EGR2: variants seen among roughly 807,000 people sequenced by gnomAD.
EGR2 encodes E3 SUMO-protein ligase EGR2.
In EGR2, 2 loss-of-function variants were observed where a neutral mutation model predicts 21.2. The ratio of observed to expected loss-of-function variants is 0.09; its 90% confidence interval spans 0.04 to 0.30. The LOEUF is 0.30. EGR2 is among the 10% of genes least tolerant of loss of function. The pLI is 1.00. For synonymous variants in EGR2, 282 were observed against 258.2 expected (o/e 1.09, Z -0.88); for missense variants, 458 against 630.2 (o/e 0.73, Z 2.93).
In EGR2 at chr10:62,814,110, G is replaced by T; in HGVS notation, c.528C>A (p.Gly176=). 1 of 1,613,944 alleles carries T rather than the reference G, an allele frequency of 6.2e-7. No individual in the cohort carries two copies. Among genetic ancestry groups the T allele is most frequent in the Non-Finnish European group, 8.5e-7 (1 of 1,179,872 alleles). Reference sequence around the variant, plus strand: ...GGTCCTGGTAGAGGTCTCCTGCACAGCCAGAATAAGGAGGAGGAGGCGGTG... The same window carrying T: ...GGTCCTGGTAGAGGTCTCCTGCACATCCAGAATAAGGAGGAGGAGGCGGTG... The part of the protein sequence containing the change: ...SPPPPPPPYS[G]CAGDLYQDPS... The change falls in exon 2 of 2, where the codon GGC becomes GGA. Residue 176 remains glycine (G), a synonymous_variant. Coordinates refer to ENST00000242480, the MANE Select transcript of EGR2 (RefSeq NM_000399.5). This position sits in a 1 kb window ranked among gnomAD's most constrained non-coding sequence, Gnocchi z 4.8.
In EGR2 at chr10:62,814,000, G is replaced by A. The variant is rs1277208478; in HGVS notation, c.638C>T (p.Pro213Leu). 3.1e-6 allele frequency: 5 copies of A among 1,614,202 alleles called. No homozygotes were observed. Among genetic ancestry groups the A allele is most frequent in the Non-Finnish European group, 4.2e-6 (5 of 1,180,030 alleles). Residue 213 changes from proline (P) to leucine (L), a missense_variant, in exon 2 of 2, where the codon CCA becomes CTA. By Grantham distance (98) the Pro-to-Leu change is moderately conservative. Transcript: ENST00000242480. This position sits in a 1 kb window ranked among gnomAD's most constrained non-coding sequence, Gnocchi z 5.7. Reference sequence around the variant, plus strand: ...TGGGAAGAGACCTGGGTCCGTGGCTGGCTTGGGGGATGGATAGGAAGGAGG... The same window carrying A: ...TGGGAAGAGACCTGGGTCCGTGGCTAGCTTGGGGGATGGATAGGAAGGAGG... Reference protein sequence around the residue: ...PPPPSYPSPKPATDPGLFPMI... With the variant: ...PPPPSYPSPKLATDPGLFPMI...
In EGR2 at chr10:62,813,173, C is replaced by A; in HGVS notation, c.*34G>T. On this transcript the variant is annotated 3_prime_UTR_variant, in exon 2 of 2. Coordinates refer to ENST00000242480, the MANE Select transcript of EGR2 (RefSeq NM_000399.5). This position sits in a 1 kb window ranked among gnomAD's most constrained non-coding sequence, Gnocchi z 5.7. The stretch of plus-strand genomic sequence containing the variant: ...CCAGTGGACAAAGGGCCTCCGGGAC[C>A]TTTGGGAGCTGGTGTATCAGCCTGA... 1 of 1,532,468 alleles carries A rather than the reference C, an allele frequency of 6.5e-7. No individual in the cohort carries two copies. Among genetic ancestry groups the A allele is most frequent in the Non-Finnish European group, 8.7e-7 (1 of 1,146,966 alleles). 94.9% of individuals were successfully genotyped at this position (1,532,468 alleles called of 1,614,324 possible).
At position 62,816,039 on chromosome 10, in the gene EGR2, G is replaced by A. The variant is rs376270444; in HGVS notation, c.-10C>T. The stretch of plus-strand genomic sequence containing the variant: ...CCTTGGCGGTCATCATTTGCTCCTC[G>A]CACAACCTGGAGACCCAACTCCCTC... On this transcript the variant is annotated 5_prime_UTR_variant, in exon 1 of 2. Coordinates refer to ENST00000242480, the MANE Select transcript of EGR2 (RefSeq NM_000399.5). The A allele has an allele frequency of 1.9e-5, 30 of 1,613,922 alleles. No individual in the cohort carries two copies. The highest frequency in any genetic ancestry group is 2.4e-5 in the Non-Finnish European group (28 of 1,180,020).
chr10:62,812,346 G>A lies in EGR2; in HGVS notation c.*861C>T, dbSNP rs565890269. On this transcript the variant is annotated 3_prime_UTR_variant, in exon 2 of 2. Coordinates refer to ENST00000242480, the MANE Select transcript of EGR2 (RefSeq NM_000399.5). The stretch of plus-strand genomic sequence containing the variant: ...TGTAACATTGTCTACATCACACAAG[G>A]CACCAAGGACACTTCCAACACAATT... 2 of 152,576 alleles carry A rather than the reference G, an allele frequency of 1.3e-5. No homozygotes were observed. The highest frequency in any genetic ancestry group is 1.5e-5 in the Non-Finnish European group (1 of 68,018). 9.5% of individuals were successfully genotyped at this position (152,576 alleles called of 1,614,324 possible).
In EGR2 at chr10:62,816,308, A is replaced by G. The variant is rs557383744; in HGVS notation, c.-279T>C. On this transcript the variant is annotated 5_prime_UTR_variant, in exon 1 of 2. Coordinates refer to ENST00000242480, the MANE Select transcript of EGR2 (RefSeq NM_000399.5). ...AGCCAGGAGTTGCTGGTGTAGTGTTATTATAACAGTCAGTGAGTCCCCTCG... is the reference window on the plus strand; with the variant it reads ...AGCCAGGAGTTGCTGGTGTAGTGTTGTTATAACAGTCAGTGAGTCCCCTCG... The G allele has an allele frequency of 2.3e-6, 3 of 1,317,162 alleles. No homozygotes were observed. The highest frequency in any genetic ancestry group is 2.9e-6 in the Non-Finnish European group (3 of 1,026,466). 81.6% of individuals were successfully genotyped at this position (1,317,162 alleles called of 1,614,324 possible).
Position 62,813,633 on chromosome 10 carries a change from C to T in EGR2, c.1005G>A (p.Val335=). ...KYPNRPSKTP[V]HERPYPCPAE... is the part of the protein sequence containing the mutation. Reference sequence around the variant, plus strand: ...CTGGGCACGGGTAGGGCCTCTCGTGCACCGGCGTCTTGCTGGGTCTGTTGG... The same window carrying T: ...CTGGGCACGGGTAGGGCCTCTCGTGTACCGGCGTCTTGCTGGGTCTGTTGG... The change falls in exon 2 of 2, where the codon GTG becomes GTA. Residue 335 remains valine (V), a synonymous_variant. Transcript: ENST00000242480. This position sits in a 1 kb window ranked among gnomAD's most constrained non-coding sequence, Gnocchi z 5.7. The T allele has an allele frequency of 6.2e-7, 1 of 1,613,112 alleles. No homozygotes were observed. The highest frequency in any genetic ancestry group is 8.5e-7 in the Non-Finnish European group (1 of 1,180,042).
At chr10:62,816,496 C>T (rs955228493), upstream of EGR2, 4 of 505,368 alleles carry the variant, frequency 7.9e-6, no homozygotes, top group Non-Finnish European at 1.1e-5. Flanking sequence ...TTTGCATACA[C>T]GGGCTCGGCC....
chr10:62,817,360 C>T (rs1838276691), upstream of EGR2, among the ~76,000 whole-genome samples: 1 of 152,168 alleles, frequency 6.6e-6, no homozygotes, highest in Non-Finnish European at 1.5e-5. The surrounding 1 kb of genome is among the most constrained non-coding windows in gnomAD (Gnocchi z 4.4). Flanking sequence ...CTGCCCTCTT[C>T]ACACACCCGC....
In EGR2 at chr10:62,812,876, G is replaced by T; in HGVS notation, c.*331C>A. 4.2e-6 allele frequency: 1 copy of T among 240,138 alleles called. No homozygotes were observed. The highest frequency in any genetic ancestry group is 8.0e-6 in the Non-Finnish European group (1 of 124,382). The allele number at this position is 240,138 out of a possible 1,614,324, so 14.9% of individuals were successfully genotyped here. On this transcript the variant is annotated 3_prime_UTR_variant, in exon 2 of 2. Coordinates refer to ENST00000242480, the MANE Select transcript of EGR2 (RefSeq NM_000399.5). ...AAAAACCTGTGATGGGTCAAAATAAGGGGAAGTGGGGTAGCAAAACCTAGT... is the reference window on the plus strand; with the variant it reads ...AAAAACCTGTGATGGGTCAAAATAATGGGAAGTGGGGTAGCAAAACCTAGT...
upstream of EGR2, among the ~76,000 whole-genome samples, chr10:62,817,987 T>G (rs1157205830): frequency 6.6e-6 from 1 of 152,184 alleles, no homozygotes; most frequent in African/African-American, 2.4e-5. The surrounding 1 kb of genome is among the most constrained non-coding windows in gnomAD (Gnocchi z 4.4). Flanking sequence ...CAGAGCCCTT[T>G]CCCGCTCCAA....
At position 62,814,101 on chromosome 10, in the gene EGR2, T is replaced by C; in HGVS notation, c.537A>G (p.Gly179=). ...ACGCAGAAGGGTCCTGGTAGAGGTCTCCTGCACAGCCAGAATAAGGAGGAG... is the reference window on the plus strand; with the variant it reads ...ACGCAGAAGGGTCCTGGTAGAGGTCCCCTGCACAGCCAGAATAAGGAGGAG... ...PPPPPYSGCA[G]DLYQDPSAFL... is the part of the protein sequence containing the mutation. Residue 179 remains glycine (G), a synonymous_variant, in exon 2 of 2, where the codon GGA becomes GGG. Coordinates refer to ENST00000242480, the MANE Select transcript of EGR2 (RefSeq NM_000399.5). The surrounding 1 kb of genome is among the most constrained non-coding windows in gnomAD (Gnocchi z 4.8). 7 of 1,613,808 alleles carry C rather than the reference T, an allele frequency of 4.3e-6. No individual in the cohort carries two copies. Among genetic ancestry groups the C allele is most frequent in the Non-Finnish European group, 5.9e-6 (7 of 1,179,856 alleles).
rs1842131082 is a variant in EGR2 at position 62,812,374 on chromosome 10, A to G, written c.*833T>C. 1 of 152,790 alleles carries G rather than the reference A, an allele frequency of 6.5e-6. No individual in the cohort carries two copies. Among genetic ancestry groups the G allele is most frequent in the African/African-American group, 2.4e-5 (1 of 41,454 alleles). 9.5% of individuals were successfully genotyped at this position (152,790 alleles called of 1,614,324 possible). On this transcript the variant is annotated 3_prime_UTR_variant, in exon 2 of 2. Coordinates refer to ENST00000242480, the MANE Select transcript of EGR2 (RefSeq NM_000399.5). ...CCAAGGACACTTCCAACACAATTGCATGCATCCTAGTTTCAGAGAATATAT... is the reference window on the plus strand; with the variant it reads ...CCAAGGACACTTCCAACACAATTGCGTGCATCCTAGTTTCAGAGAATATAT...
upstream of EGR2, among the ~76,000 whole-genome samples, chr10:62,817,099 C>T (rs1217714381): frequency 6.6e-6 from 1 of 152,088 alleles, no homozygotes; most frequent in Non-Finnish European, 1.5e-5. The surrounding 1 kb of genome is among the most constrained non-coding windows in gnomAD (Gnocchi z 4.4). Flanking sequence ...GAGGGTAAAC[C>T]CTAGGAGGAG....
At position 62,814,236 on chromosome 10, in the gene EGR2, G is replaced by A; in HGVS notation, c.402C>T (p.Ser134=). The A allele has an allele frequency of 6.2e-7, 1 of 1,614,128 alleles. No homozygotes were observed. The highest frequency in any genetic ancestry group is 8.5e-7 in the Non-Finnish European group (1 of 1,179,998). ...VTSPASTTAS[S]SVTSASPNPL... ...GGTTGGGGGAGGCAGAGGTGACGCT[G>A]GATGAGGCTGTGGTTGAAGCTGGGG... The change falls in exon 2 of 2, where the codon TCC becomes TCT. Residue 134 remains serine (S), a synonymous_variant. Transcript: ENST00000242480. The surrounding 1 kb of genome is among the most constrained non-coding windows in gnomAD (Gnocchi z 4.8).
intron 1 of EGR2, among the ~76,000 whole-genome samples, 178 bp downstream of exon 1, chr10:62,815,683 G>A (rs1294314260): frequency 6.6e-6 from 1 of 152,230 alleles, no homozygotes; most frequent in African/African-American, 2.4e-5. Context: ...CTGCCCGCGC[G>A]CCCTGGTCTC....
At chr10:62,816,375 A>G, upstream of EGR2, 1 of 1,214,844 alleles carries the variant, frequency 8.2e-7, no homozygotes, top group Non-Finnish European at 1.0e-6. Flanking sequence ...TTAGACGGAA[A>G]GTGTTGCTCT....
At chr10:62,818,619 G>C (rs1292880986), upstream of EGR2, 1 of 1,273,512 alleles carries the variant, frequency 7.9e-7, no homozygotes, top group Admixed American at 2.4e-5. Flanking sequence ...ACGACGCCTC[G>C]GAAGGGAGTC....
At chr10:62,818,397 T>C, upstream of EGR2, 2 of 260,200 alleles carry the variant, frequency 7.7e-6, no homozygotes, top group Non-Finnish European at 1.3e-5. Flanking sequence ...TTTTTTCCAA[T>C]TGGGGATGAA....
upstream of EGR2, chr10:62,818,405 G>A (rs907821491): frequency 1.8e-5 from 5 of 275,514 alleles, no homozygotes; most frequent in Middle Eastern, 4.6e-4. Context: ...AATTGGGGAT[G>A]AAAAGGACAT....
Sources: allele counts gnomAD v4.1 joint callset (sites outside exome capture counted in the v4.1 genomes callset), GRCh38; gene constraint gnomAD v4.1.1; non-coding constraint Gnocchi (gnomAD v3.1); transcripts MANE v1.5; gene names NCBI Gene and HGNC (gene_info 2026-07-23, HGNC 2026-07-21).